USH2A: variants seen among roughly 807,000 people sequenced by gnomAD.
USH2A encodes the protein usherin, also known as Usher syndrome 2A (autosomal recessive, mild).
A neutral mutation model predicts 538.9 loss-of-function variants in USH2A; 443 were observed. That is an observed-to-expected ratio of 0.82 (90% CI 0.76 to 0.89). The LOEUF (loss-of-function observed/expected upper bound fraction) is 0.89, where lower values mean the gene tolerates loss of function less well. Among genes scored for constraint, USH2A ranks in the 40% least tolerant of loss-of-function variants. The pLI, the probability that USH2A is intolerant of heterozygous loss-of-function variation, is 0.00. For missense variants in USH2A, 6,633 were observed against 6,324.8 expected (o/e 1.05, Z -1.65); for synonymous variants, 2,413 against 2,273.5 (o/e 1.06, Z -1.75).
intron 21 of USH2A, among the ~76,000 whole-genome samples, chr1:216,108,914 T>G (rs149812927): frequency 5.3e-5 from 8 of 152,262 alleles, no homozygotes; most frequent in African/African-American, 1.4e-4. Flanking sequence ...ATTCTTTGCT[T>G]TCTAATTACA....
chr1:216,422,735 A>G (rs1165694082), intron 1 of USH2A, among the ~76,000 whole-genome samples, 195 bp from the exon 2 acceptor site: 1 of 152,090 alleles, frequency 6.6e-6, no homozygotes, highest in African/African-American at 2.4e-5. Flanking sequence ...CAAATCAAGC[A>G]CTTTATAAGT....
intron 23 of USH2A, among the ~76,000 whole-genome samples, chr1:216,087,779 C>A (rs550974135): frequency 6.9e-4 from 105 of 152,140 alleles, no homozygotes; most frequent in African/African-American, 2.5e-3. Flanking sequence ...CAATTATCAC[C>A]CTGGTTCAGG....
chr1:215,796,478 T>TGAATAAACAATG (rs1662140492), intron 50 of USH2A, among the ~76,000 whole-genome samples: 1 of 152,110 alleles, frequency 6.6e-6, no homozygotes, highest in Non-Finnish European at 1.5e-5. Context: ...CCTTTGATGT[T>TGAATAAACAATG]ACTATGGTAA....
chr1:215,667,702 AAAG>A (rs1254528024), intron 64 of USH2A, among the ~76,000 whole-genome samples: 21 of 152,240 alleles, frequency 1.4e-4, no homozygotes, highest in South Asian at 8.3e-4. Flanking sequence ...TGTCTCAGAA[AAAG>A]AAGAAGAAGG....
At chr1:215,841,988 A>G (rs1223113008) in intron 46 of USH2A, among the ~76,000 whole-genome samples, 1 of 152,188 alleles carries the variant, frequency 6.6e-6, no homozygotes, top group East Asian at 1.9e-4. Flanking sequence ...AAATGAAATT[A>G]TTATTTCTTT....
At chr1:216,098,211 T>C (rs1464275380) in intron 21 of USH2A, among the ~76,000 whole-genome samples, 3 of 152,242 alleles carry the variant, frequency 2.0e-5, no homozygotes, top group Admixed American at 2.0e-4. Flanking sequence ...GCTCTTGCCC[T>C]GTATAAGGCT....
At chr1:216,226,118 C>T (rs888131031) in intron 14 of USH2A, among the ~76,000 whole-genome samples, 2 of 152,192 alleles carry the variant, frequency 1.3e-5, no homozygotes. Flanking sequence ...AAATGACCAG[C>T]ACATTGAGAA....
chr1:216,128,154 T>C (rs1177674016), intron 21 of USH2A, among the ~76,000 whole-genome samples: 1 of 152,156 alleles, frequency 6.6e-6, no homozygotes, highest in Non-Finnish European at 1.5e-5. Context: ...ACAATTGTAT[T>C]CTTCACTTGT....
At chr1:216,003,657 T>C (rs1280460207) in intron 32 of USH2A, among the ~76,000 whole-genome samples, 1 of 151,942 alleles carries the variant, frequency 6.6e-6, no homozygotes, top group Non-Finnish European at 1.5e-5. Flanking sequence ...GCAGAACAAA[T>C]TAGGAAGAAG....
intron 21 of USH2A, among the ~76,000 whole-genome samples, chr1:216,101,567 T>A (rs1558259150): frequency 1.3e-5 from 2 of 152,214 alleles, no homozygotes; most frequent in African/African-American, 4.8e-5. Flanking sequence ...GGCCCAGGAA[T>A]AAGAAGAGCT....
intron 47 of USH2A, among the ~76,000 whole-genome samples, chr1:215,835,324 T>C (rs908651239): frequency 2.6e-5 from 4 of 152,104 alleles, no homozygotes; most frequent in African/African-American, 9.7e-5. Context: ...TTTGAGATCA[T>C]TCTTTTTTTT....
At chr1:216,154,455 A>G (rs2033900008) in intron 21 of USH2A, among the ~76,000 whole-genome samples, 1 of 152,208 alleles carries the variant, frequency 6.6e-6, no homozygotes, top group South Asian at 2.1e-4. Context: ...CAACTTGTTC[A>G]TTACAGTGTA....
chr1:216,074,321 A>G (rs893523127), intron 27 of USH2A, among the ~76,000 whole-genome samples: 1 of 90,618 alleles, frequency 1.1e-5, no homozygotes, highest in African/African-American at 4.7e-5. Context: ...TGTAGCGTGC[A>G]TGTTCTCTCT....
intron 30 of USH2A, among the ~76,000 whole-genome samples, chr1:216,051,750 G>A (rs2030791455): frequency 6.6e-6 from 1 of 152,156 alleles, no homozygotes; most frequent in Admixed American, 6.5e-5. Context: ...TATACAGGTT[G>A]GTTATCTGCA....
intron 32 of USH2A, among the ~76,000 whole-genome samples, chr1:216,004,183 G>A (rs1668337968): frequency 6.6e-6 from 1 of 152,180 alleles, no homozygotes; most frequent in African/African-American, 2.4e-5. Context: ...GAGATTGTCA[G>A]GATATTTGAA....
intron 61 of USH2A, among the ~76,000 whole-genome samples, chr1:215,694,805 T>G (rs959843780): frequency 8.5e-5 from 13 of 152,360 alleles, no homozygotes; most frequent in African/African-American, 3.1e-4. Flanking sequence ...AGTGGGCAAC[T>G]GCATTCAGTC....
At chr1:216,116,607 G>C (rs1219233266) in intron 21 of USH2A, among the ~76,000 whole-genome samples, 1 of 152,058 alleles carries the variant, frequency 6.6e-6, no homozygotes, top group Non-Finnish European at 1.5e-5. Flanking sequence ...GAAAAAATTA[G>C]AGTCCCAGAA....
intron 11 of USH2A, among the ~76,000 whole-genome samples, chr1:216,270,145 AACT>A (rs2036548111): frequency 6.6e-6 from 1 of 152,142 alleles, no homozygotes; most frequent in African/African-American, 2.4e-5. Context: ...GCAGCAGTAT[AACT>A]ATATGTCTTT....
intron 61 of USH2A, among the ~76,000 whole-genome samples, chr1:215,720,534 G>C (rs944145239): frequency 6.6e-6 from 1 of 152,180 alleles, no homozygotes; most frequent in African/African-American, 2.4e-5. Context: ...AGACTGGCTA[G>C]GTTTCATCCA....
Sources: gnomAD v4.1 joint callset for allele counts (sites outside exome capture counted in the v4.1 genomes callset) on GRCh38, gnomAD v4.1.1 for gene constraint, MANE v1.5 for transcripts, NCBI Gene and HGNC (gene_info 2026-07-23, HGNC 2026-07-21) for gene names.